Variants in DENND2B observed in about 807,000 individuals in gnomAD.
DENND2B encodes DENN domain containing 2B.
In DENND2B, 32 loss-of-function variants were observed where a neutral mutation model predicts 116.0. That is an observed-to-expected ratio of 0.28 (90% CI 0.21 to 0.37). The LOEUF (loss-of-function observed/expected upper bound fraction) is 0.37, where lower values mean the gene tolerates loss of function less well. Ranked by LOEUF, DENND2B falls within the 10% of genes least tolerant of loss-of-function variation. The pLI is 1.00. For missense variants in DENND2B, 1,276 were observed against 1,477.7 expected (o/e 0.86, Z 2.24); for synonymous variants, 588 against 583.9 (o/e 1.01, Z -0.10).
At chr11:8,834,544 G>A (rs546262654) in intron 4 of DENND2B, among the ~76,000 whole-genome samples, 4 of 152,288 alleles carry the variant, frequency 2.6e-5, no homozygotes, top group South Asian at 4.1e-4. Flanking sequence ...CACACAGTGC[G>A]AAAAAGAAAA....
chr11:8,695,046 A>C (rs2040116120), intron 19 of DENND2B, among the ~76,000 whole-genome samples: 1 of 152,220 alleles, frequency 6.6e-6, no homozygotes, highest in Non-Finnish European at 1.5e-5. Context: ...TGAGTGACAG[A>C]GCCAGACCTT....
At chr11:8,743,214 T>C (rs2050552540) in intron 2 of DENND2B, among the ~76,000 whole-genome samples, 1 of 152,090 alleles carries the variant, frequency 6.6e-6, no homozygotes, top group African/African-American at 2.4e-5. Context: ...ATAAATCTGT[T>C]TAAAAAAAAT....
chr11:8,779,557 G>A (rs1408407414), intron 1 of DENND2B, among the ~76,000 whole-genome samples: 8 of 146,352 alleles, frequency 5.5e-5, no homozygotes, highest in African/African-American at 1.5e-4. Flanking sequence ...TTGTTGCCCA[G>A]GCTGCAGTAC....
intron 1 of DENND2B, chr11:8,808,949 A>G (rs1460955780): frequency 6.6e-6 from 1 of 152,238 alleles, no homozygotes; most frequent in Non-Finnish European, 1.5e-5. Flanking sequence ...GGTCTCTGCT[A>G]GCCCTCTTCA....
At chr11:8,790,340 T>C (rs763288837) in intron 1 of DENND2B, among the ~76,000 whole-genome samples, 1 of 152,246 alleles carries the variant, frequency 6.6e-6, no homozygotes, top group Non-Finnish European at 1.5e-5. Flanking sequence ...GCTTTTCATA[T>C]GTCTTGTCCA....
intron 3 of DENND2B, among the ~76,000 whole-genome samples, chr11:8,729,223 G>C (rs1174453609): frequency 6.6e-6 from 1 of 152,164 alleles, no homozygotes; most frequent in Non-Finnish European, 1.5e-5. Flanking sequence ...CTCACTCCCA[G>C]CCTACCCTGA....
intron 19 of DENND2B, among the ~76,000 whole-genome samples, chr11:8,694,337 C>A (rs1442244631): frequency 6.6e-6 from 1 of 152,142 alleles, no homozygotes; most frequent in Non-Finnish European, 1.5e-5. Context: ...TTTACGCAAG[C>A]CACTTAACCT....
chr11:8,888,163 G>T (rs144611306), intron 1 of DENND2B, among the ~76,000 whole-genome samples: 6 of 152,310 alleles, frequency 3.9e-5, no homozygotes, highest in African/African-American at 9.6e-5. Context: ...GACCTAAATT[G>T]TGGTTAATTT....
chr11:8,739,627 G>A (rs2049829838), intron 2 of DENND2B, among the ~76,000 whole-genome samples: 1 of 152,264 alleles, frequency 6.6e-6, no homozygotes, highest in Non-Finnish European at 1.5e-5. Flanking sequence ...CTGGGCACTT[G>A]TGCCGTGGCC....
intron 2 of DENND2B, among the ~76,000 whole-genome samples, chr11:8,738,727 G>A (rs1478540150): frequency 6.6e-6 from 1 of 152,156 alleles, no homozygotes; most frequent in Non-Finnish European, 1.5e-5. Context: ...GATCATGCTT[G>A]AAACTCCTCA....
intron 1 of DENND2B, among the ~76,000 whole-genome samples, chr11:8,903,897 A>G (rs2064203192): frequency 6.6e-6 from 1 of 151,194 alleles, no homozygotes. Flanking sequence ...CTCAAAAAAA[A>G]AAAAAAAAAA....
chr11:8,893,700 G>A (rs2064062049), intron 1 of DENND2B, among the ~76,000 whole-genome samples: 1 of 152,020 alleles, frequency 6.6e-6, no homozygotes, highest in Non-Finnish European at 1.5e-5. Flanking sequence ...GGGATGTGAA[G>A]GACCTCTTCA....
At chr11:8,810,806 G>GTCTCTCCCTCTCTCTC (rs1555203545), upstream of DENND2B, 1 of 140,236 alleles carries the variant, frequency 7.1e-6, no homozygotes, top group African/African-American at 2.8e-5. Flanking sequence ...CTTTCTCACT[G>GTCTCTCCCTCTCTCTC]TCTCTCTCTC....
intron 2 of DENND2B, among the ~76,000 whole-genome samples, chr11:8,869,933 C>CA (rs11454088): frequency 0.31 from 47,338 of 151,110 alleles, 7,705 homozygotes; most frequent in Middle Eastern, 0.41. Context: ...CTAATTCTGG[C>CA]AAAAAAAAAT....
chr11:8,846,622 C>T lies in DENND2B; in HGVS notation c.-155-7272G>A, dbSNP rs376847527. Reference sequence around the variant, plus strand: ...CCTCTGTGCCCCAGAGTAGTCCTCCCAGTTAAAGTCCCCTTTCTCGTTCTC... The same window carrying T: ...CCTCTGTGCCCCAGAGTAGTCCTCCTAGTTAAAGTCCCCTTTCTCGTTCTC... On this transcript the variant is annotated intron_variant, in intron 3 of 6. Coordinates refer to the DENND2B transcript ENST00000524757. Among the ~76,000 whole-genome samples, 44 of 152,268 alleles carry T rather than the reference C, an allele frequency of 2.9e-4. No homozygotes were observed. The South Asian group carries it at 9.1e-3, about 32-fold the overall frequency.
At chr11:8,902,323 C>T (rs1380443816) in intron 1 of DENND2B, among the ~76,000 whole-genome samples, 1 of 78,738 alleles carries the variant, frequency 1.3e-5, no homozygotes, top group Non-Finnish European at 4.0e-5. Flanking sequence ...GAGACTCCAT[C>T]TCAAAAAAAA....
chr11:8,722,188 C>G (rs993635689), intron 4 of DENND2B, among the ~76,000 whole-genome samples: 1 of 152,216 alleles, frequency 6.6e-6, no homozygotes, highest in African/African-American at 2.4e-5. Flanking sequence ...CACCCCAGCT[C>G]CTCAGGCATC....
chr11:8,871,891 T>G (rs2063787340), upstream of DENND2B, among the ~76,000 whole-genome samples: 1 of 152,234 alleles, frequency 6.6e-6, no homozygotes, highest in Non-Finnish European at 1.5e-5. Flanking sequence ...GTAAATTACT[T>G]AAGATCCAAA....
intron 1 of DENND2B, among the ~76,000 whole-genome samples, chr11:8,775,350 G>C (rs1483614317): frequency 6.6e-6 from 1 of 152,170 alleles, no homozygotes; most frequent in Non-Finnish European, 1.5e-5. Flanking sequence ...ATCTCACCCT[G>C]AAAATTTACT....
Sources: allele counts gnomAD v4.1 joint callset (sites outside exome capture counted in the v4.1 genomes callset), GRCh38; gene constraint gnomAD v4.1.1; transcripts MANE v1.5; gene names NCBI Gene and HGNC (gene_info 2026-07-23, HGNC 2026-07-21).